Variants in RXFP2 observed in about 807,000 individuals in gnomAD.
RXFP2 encodes the protein relaxin receptor 2.
RXFP2 carries 68 observed loss-of-function variants against 88.6 expected under a neutral mutation model. The observed-to-expected ratio is 0.77, with a 90% CI of 0.63 to 0.94. The LOEUF (loss-of-function observed/expected upper bound fraction) is 0.94, where lower values mean the gene tolerates loss of function less well. RXFP2 is among the 40% of genes least tolerant of loss of function. The pLI is 0.00. For synonymous variants in RXFP2, 329 were observed against 306.8 expected (o/e 1.07, Z -0.76); for missense variants, 791 against 893.9 (o/e 0.88, Z 1.47).
intron 5 of RXFP2, among the ~76,000 whole-genome samples, chr13:31,773,619 T>A (rs1872813428): frequency 6.6e-6 from 1 of 152,110 alleles, no homozygotes; most frequent in African/African-American, 2.4e-5. Context: ...CTGGCTCTCT[T>A]CAGGTCTGAA....
At chr13:31,769,158 T>C (rs961478569) in intron 5 of RXFP2, among the ~76,000 whole-genome samples, 2 of 152,094 alleles carry the variant, frequency 1.3e-5, no homozygotes, top group African/African-American at 2.4e-5. Flanking sequence ...TCAAGAAAGA[T>C]AGTCAATAAA....
At chr13:31,764,958 A>G in intron 3 of RXFP2, 79 bp from the exon 4 acceptor site, 1 of 790,854 alleles carries the variant, frequency 1.3e-6, no homozygotes, top group Non-Finnish European at 2.2e-6. Context: ...TGAAAAGAAA[A>G]CAATATCAGT....
At chr13:31,770,315 A>T (rs1352336134) in intron 5 of RXFP2, among the ~76,000 whole-genome samples, 3 of 152,198 alleles carry the variant, frequency 2.0e-5, no homozygotes, top group Non-Finnish European at 2.9e-5. Context: ...TACATTTGCC[A>T]TCTTTTACTT....
At chr13:31,766,095 TAAA>T (rs1234212913) in intron 5 of RXFP2, 68 bp downstream of exon 5, 2 of 803,340 alleles carry the variant, frequency 2.5e-6, no homozygotes, top group African/African-American at 1.7e-5. Flanking sequence ...GTTTTTGATC[TAAA>T]AATAAAATAT....
intron 15 of RXFP2, 95 bp from the exon 16 acceptor site, chr13:31,792,583 A>G (rs1873846543): frequency 8.3e-7 from 1 of 1,206,206 alleles, no homozygotes; most frequent in African/African-American, 1.5e-5. Flanking sequence ...ACTAGATCTA[A>G]TTAGAAAATT....
In RXFP2 at chr13:31,792,670, T is replaced by C; in HGVS notation, c.1376-8T>C. ...CTGATGACATACACTGTTTCAATTCTTCCACAGGTGCTGATTGCCTGATGG... is the reference window on the plus strand; with the variant it reads ...CTGATGACATACACTGTTTCAATTCCTCCACAGGTGCTGATTGCCTGATGG... On this transcript the variant is annotated splice_region_variant and splice_polypyrimidine_tract_variant and intron_variant, in intron 15 of 17. Transcript: ENST00000298386. 2 of 1,613,962 alleles carry C rather than the reference T, an allele frequency of 1.2e-6. No individual in the cohort carries two copies. The highest frequency in any genetic ancestry group is 2.2e-5 in the South Asian group (2 of 91,022).
At chr13:31,792,334 C>T (rs540185364) in intron 15 of RXFP2, among the ~76,000 whole-genome samples, 6 of 152,308 alleles carry the variant, frequency 3.9e-5, no homozygotes, top group African/African-American at 1.4e-4. Context: ...ACTTCAATTA[C>T]AATGATACCT....
intron 3 of RXFP2, among the ~76,000 whole-genome samples, chr13:31,764,243 T>TCACACACACACACACACA (rs56132108): frequency 1.2e-4 from 16 of 131,690 alleles, no homozygotes; most frequent in South Asian, 2.6e-4. Context: ...TCTCTCTCTT[T>TCACACACACACACACACA]CACACACACA....
intron 1 of RXFP2, among the ~76,000 whole-genome samples, chr13:31,749,969 C>T (rs1871592596): frequency 1.3e-5 from 2 of 152,146 alleles, no homozygotes; most frequent in African/African-American, 4.8e-5. Context: ...CACTCATATG[C>T]TGTGGGGTTT....
At chr13:31,758,883 C>CA (rs941504806) in intron 2 of RXFP2, among the ~76,000 whole-genome samples, 5 of 151,820 alleles carry the variant, frequency 3.3e-5, no homozygotes, top group African/African-American at 1.2e-4. Flanking sequence ...ACTGAAAATA[C>CA]AAAAAAATTA....
At chr13:31,747,885 A>T (rs985304810) in intron 1 of RXFP2, among the ~76,000 whole-genome samples, 1 of 152,204 alleles carries the variant, frequency 6.6e-6, no homozygotes, top group African/African-American at 2.4e-5. Flanking sequence ...TTCTGAGATG[A>T]TCATCAAAGA....
In RXFP2 at chr13:31,744,112, C is replaced by T. The variant is rs1038823743; in HGVS notation, c.94+4406C>T. Among the ~76,000 whole-genome samples the T allele has an allele frequency of 7.2e-5, 11 of 152,242 alleles. No homozygotes were observed. The East Asian group carries it at 1.4e-3, about 19-fold the overall frequency. Reference sequence around the variant, plus strand: ...GTCTCTATCCCACAGTCTCCTGGCCCGACCAGTGGTCACCATGTCTGTTGC... The same window carrying T: ...GTCTCTATCCCACAGTCTCCTGGCCTGACCAGTGGTCACCATGTCTGTTGC... On this transcript the variant is annotated intron_variant, in intron 1 of 17. Transcript: ENST00000298386.
chr13:31,772,426 A>C (rs1872767376), intron 5 of RXFP2, among the ~76,000 whole-genome samples: 1 of 152,168 alleles, frequency 6.6e-6, no homozygotes, highest in Non-Finnish European at 1.5e-5. Flanking sequence ...AAAAGTCCTG[A>C]CAGCTGAAAC....
chr13:31,751,970 T>C (rs147458192), intron 1 of RXFP2, among the ~76,000 whole-genome samples: 2 of 152,304 alleles, frequency 1.3e-5, no homozygotes, highest in Admixed American at 1.3e-4. Context: ...TTTGGCAGTT[T>C]ACCAGTCAGC....
At chr13:31,800,839 A>ATG (rs576267059) in intron 17 of RXFP2, among the ~76,000 whole-genome samples, 1 of 151,172 alleles carries the variant, frequency 6.6e-6, no homozygotes, top group Non-Finnish European at 1.5e-5. Flanking sequence ...AGATTGTCTA[A>ATG]TTTTTTTAAA....
intron 16 of RXFP2, among the ~76,000 whole-genome samples, chr13:31,794,671 C>T (rs1873946267): frequency 6.6e-6 from 1 of 151,810 alleles, no homozygotes; most frequent in Non-Finnish European, 1.5e-5. Context: ...AAACTGAGGC[C>T]CAAAGGATGA....
chr13:31,801,521 T>C (rs1042478337), intron 17 of RXFP2, among the ~76,000 whole-genome samples: 2 of 152,096 alleles, frequency 1.3e-5, no homozygotes, highest in Non-Finnish European at 2.9e-5. Context: ...AATGATGCTC[T>C]CAGGAAGGAC....
intron 1 of RXFP2, among the ~76,000 whole-genome samples, chr13:31,741,974 T>C (rs1329513752): frequency 1.3e-5 from 2 of 152,182 alleles, no homozygotes; most frequent in African/African-American, 2.4e-5. Flanking sequence ...TTAGTAACTA[T>C]CTTGCGTTAA....
chr13:31,759,064 A>C (rs1236725014), intron 2 of RXFP2, among the ~76,000 whole-genome samples: 1 of 143,882 alleles, frequency 7.0e-6, no homozygotes. Flanking sequence ...AAAAAAATGC[A>C]TAAAGTGTGA....
Sources: allele counts gnomAD v4.1 joint callset (sites outside exome capture counted in the v4.1 genomes callset), GRCh38; gene constraint gnomAD v4.1.1; transcripts MANE v1.5; gene names NCBI Gene and HGNC (gene_info 2026-07-23, HGNC 2026-07-21).